Variants in PTPRK observed in about 807,000 individuals in gnomAD.
PTPRK encodes the protein protein tyrosine phosphatase receptor type K.
In PTPRK, 75 loss-of-function variants were observed where a neutral mutation model predicts 178.0. That is an observed-to-expected ratio of 0.42 (90% CI 0.35 to 0.51). PTPRK has a LOEUF of 0.51. Among genes scored for constraint, PTPRK ranks in the 20% least tolerant of loss-of-function variants. PTPRK has a pLI of 0.02. For missense variants in PTPRK, 1,441 were observed against 1,797.8 expected, an observed-to-expected ratio of 0.80 and a Z score of 3.59; for synonymous variants, 637 against 620.6, an observed-to-expected ratio of 1.03 and a Z score of -0.39.
intron 5 of PTPRK, among the ~76,000 whole-genome samples, chr6:128,225,409 G>A (rs952619317): frequency 1.3e-5 from 2 of 152,064 alleles, no homozygotes; most frequent in African/African-American, 4.8e-5. Context: ...GCACAACTAC[G>A]ACCAAGTGAG....
At chr6:128,360,893 C>T (rs866950618) in intron 2 of PTPRK, among the ~76,000 whole-genome samples, 51 of 152,048 alleles carry the variant, frequency 3.4e-4, no homozygotes, top group African/African-American at 1.2e-3. Flanking sequence ...AACAGAGCTC[C>T]TGAGTAACAT....
intron 3 of PTPRK, among the ~76,000 whole-genome samples, chr6:128,278,364 G>A (rs1277077317): frequency 3.3e-5 from 5 of 152,002 alleles, no homozygotes; most frequent in African/African-American, 7.2e-5. Flanking sequence ...CACTCTGTTT[G>A]CCAGACTGGT....
chr6:128,086,475 C>T (rs191420971), intron 8 of PTPRK, among the ~76,000 whole-genome samples: 120 of 152,184 alleles, frequency 7.9e-4, no homozygotes, highest in African/African-American at 2.3e-3. Context: ...AGGGTTCTGG[C>T]GGGAAATGGT....
chr6:127,992,568 G>C, intron 19 of PTPRK, 105 bp downstream of exon 19: 1 of 930,618 alleles, frequency 1.1e-6, no homozygotes, highest in Non-Finnish European at 1.6e-6. Context: ...CAGAAGGGCT[G>C]ATTTTTTTGT....
At chr6:128,107,467 T>A (rs1789915070) in intron 7 of PTPRK, among the ~76,000 whole-genome samples, 1 of 152,162 alleles carries the variant, frequency 6.6e-6, no homozygotes, top group Admixed American at 6.5e-5. Flanking sequence ...TAAAGCAGAA[T>A]AATGTATTAA....
intron 7 of PTPRK, among the ~76,000 whole-genome samples, chr6:128,136,740 C>A (rs1379590974): frequency 6.6e-6 from 1 of 152,070 alleles, no homozygotes; most frequent in African/African-American, 2.4e-5. Flanking sequence ...TATTTGTGGA[C>A]AAGGGTGGAG....
chr6:128,516,897 T>C (rs776188087), intron 1 of PTPRK, among the ~76,000 whole-genome samples: 7 of 151,724 alleles, frequency 4.6e-5, no homozygotes, highest in Non-Finnish European at 1.0e-4. Flanking sequence ...GGAATGTTAA[T>C]AGTGACTCTT....
At chr6:128,066,568 T>C (rs1050643348) in intron 12 of PTPRK, among the ~76,000 whole-genome samples, 1 of 152,164 alleles carries the variant, frequency 6.6e-6, no homozygotes, top group African/African-American at 2.4e-5. Context: ...GTGCTCACCT[T>C]AGGGACTCAA....
chr6:128,429,303 C>T (rs1487234641), intron 1 of PTPRK, among the ~76,000 whole-genome samples: 2 of 152,182 alleles, frequency 1.3e-5, no homozygotes, highest in Admixed American at 1.3e-4. Flanking sequence ...TGTACTTCCA[C>T]CATTATAGCC....
intron 2 of PTPRK, among the ~76,000 whole-genome samples, chr6:128,370,050 G>C (rs1467122765): frequency 6.6e-6 from 1 of 152,098 alleles, no homozygotes; most frequent in East Asian, 1.9e-4. Context: ...ACAATAATGA[G>C]CAAGAAATGA....
chr6:128,153,780 G>C (rs771002407), intron 7 of PTPRK, among the ~76,000 whole-genome samples: 21 of 151,878 alleles, frequency 1.4e-4, no homozygotes, highest in Admixed American at 2.0e-4. Context: ...GCAAGATTTT[G>C]TTAATCATTT....
intron 1 of PTPRK, among the ~76,000 whole-genome samples, chr6:128,508,481 T>C (rs1018858904): frequency 6.6e-6 from 1 of 152,216 alleles, no homozygotes; most frequent in Non-Finnish European, 1.5e-5. Flanking sequence ...ATATATGATA[T>C]ATATAAGTAC....
intron 13 of PTPRK, among the ~76,000 whole-genome samples, chr6:128,024,035 C>T: frequency 6.6e-6 from 1 of 152,098 alleles, no homozygotes; most frequent in East Asian, 1.9e-4. Context: ...AAATTTTAAT[C>T]TCTGTTCACT....
intron 13 of PTPRK, among the ~76,000 whole-genome samples, chr6:128,026,237 C>G (rs999265870): frequency 6.6e-6 from 1 of 152,174 alleles, no homozygotes; most frequent in South Asian, 2.1e-4. Flanking sequence ...TTTGTTTTTA[C>G]TGCTACCAGA....
chr6:128,189,462 A>G (rs888189083), intron 6 of PTPRK, among the ~76,000 whole-genome samples: 1 of 151,572 alleles, frequency 6.6e-6, no homozygotes, highest in Non-Finnish European at 1.5e-5. Flanking sequence ...GCTGGTCTCA[A>G]ACTCCTGACC....
chr6:128,282,997 C>T (rs1821917637), intron 3 of PTPRK, among the ~76,000 whole-genome samples: 2 of 152,056 alleles, frequency 1.3e-5, no homozygotes, highest in Non-Finnish European at 2.9e-5. Context: ...ATGTGGAAAA[C>T]AAGAAAGGGT....
intron 2 of PTPRK, among the ~76,000 whole-genome samples, chr6:128,350,856 T>C (rs578177191): frequency 1.3e-5 from 2 of 152,288 alleles, no homozygotes; most frequent in East Asian, 3.9e-4. Flanking sequence ...AGCCACTAAA[T>C]TGAGTCTTTT....
intron 3 of PTPRK, among the ~76,000 whole-genome samples, chr6:128,281,853 C>T (rs1045664982): frequency 1.4e-4 from 21 of 152,242 alleles, no homozygotes; most frequent in African/African-American, 5.1e-4. Context: ...CCATGAATCC[C>T]TATCAGAATT....
intron 3 of PTPRK, among the ~76,000 whole-genome samples, chr6:128,301,573 G>A (rs1825609460): frequency 6.6e-6 from 1 of 152,018 alleles, no homozygotes; most frequent in African/African-American, 2.4e-5. Flanking sequence ...ATTTTTAAAA[G>A]TACATTAAAA....
Sources: allele counts gnomAD v4.1 joint callset (sites outside exome capture counted in the v4.1 genomes callset), GRCh38; gene constraint gnomAD v4.1.1; transcripts MANE v1.5; gene names NCBI Gene and HGNC (gene_info 2026-07-23, HGNC 2026-07-21).